Variants in ABCC9 observed in about 807,000 individuals in gnomAD.
The protein encoded by ABCC9 is ATP-binding cassette sub-family C member 9.
Under a neutral mutation model 188.3 loss-of-function variants are expected in ABCC9, and 95 were observed. The observed-to-expected ratio is 0.50, with a 90% CI of 0.43 to 0.60. The LOEUF is 0.60. Ranked by LOEUF, ABCC9 falls within the 20% of genes least tolerant of loss-of-function variation. The pLI, the probability that ABCC9 is intolerant of heterozygous loss-of-function variation, is 0.00. For synonymous variants in ABCC9, 659 were observed against 652.7 expected, an observed-to-expected ratio of 1.01 and a Z score of -0.15; for missense variants, 1,102 against 1,876.3, an observed-to-expected ratio of 0.59 and a Z score of 7.62.
chr12:21,936,948 C>T (rs866882181), intron 2 of ABCC9, among the ~76,000 whole-genome samples: 1 of 152,198 alleles, frequency 6.6e-6, no homozygotes, highest in Middle Eastern at 3.4e-3. Context: ...TAATTAATAT[C>T]TACCTATAGT....
At chr12:21,864,785 G>T (rs746847939) in intron 18 of ABCC9, among the ~76,000 whole-genome samples, 1 of 152,034 alleles carries the variant, frequency 6.6e-6, no homozygotes, top group Non-Finnish European at 1.5e-5. Context: ...TGTAAACTTG[G>T]GGAATCCCTC....
At chr12:21,855,305 T>C (rs1044934610) in intron 22 of ABCC9, among the ~76,000 whole-genome samples, 4 of 152,158 alleles carry the variant, frequency 2.6e-5, no homozygotes, top group Non-Finnish European at 5.9e-5. Context: ...CTGCAACCTC[T>C]GCCTCCTGGG....
At chr12:21,911,727 A>G (rs773257957) in intron 8 of ABCC9, among the ~76,000 whole-genome samples, 1 of 151,904 alleles carries the variant, frequency 6.6e-6, no homozygotes, top group Non-Finnish European at 1.5e-5. Flanking sequence ...TTTTTGTGGG[A>G]ATATATACAA....
intron 8 of ABCC9, among the ~76,000 whole-genome samples, 184 bp downstream of exon 8, chr12:21,912,688 A>G (rs1363892743): frequency 6.6e-6 from 1 of 152,152 alleles, no homozygotes; most frequent in Non-Finnish European, 1.5e-5. Context: ...CATTCAATGA[A>G]TAAATACATA....
chr12:21,854,805 A>C (rs979582718), intron 22 of ABCC9, among the ~76,000 whole-genome samples: 2 of 152,226 alleles, frequency 1.3e-5, no homozygotes, highest in Non-Finnish European at 2.9e-5. Context: ...TTCTTTTAAC[A>C]TAGAAGTTAT....
intron 18 of ABCC9, chr12:21,869,519 C>T (rs1031053779): frequency 6.6e-6 from 1 of 152,122 alleles, no homozygotes; most frequent in African/African-American, 2.4e-5. Context: ...AATATTTTCC[C>T]ACTGAACTTA....
chr12:21,864,415 C>T (rs1945681622), intron 19 of ABCC9, 24 bp downstream of exon 19: 1 of 1,534,108 alleles, frequency 6.5e-7, no homozygotes, highest in African/African-American at 1.4e-5. Context: ...TCTTATTAAA[C>T]TCAGGTTAAA....
At chr12:21,890,375 C>T (rs993640637) in intron 14 of ABCC9, among the ~76,000 whole-genome samples, 5 of 152,168 alleles carry the variant, frequency 3.3e-5, no homozygotes, top group African/African-American at 1.2e-4. Context: ...CAGAACCCTT[C>T]CTCCAATGAC....
chr12:21,889,110 A>C (rs1205038992), intron 14 of ABCC9, among the ~76,000 whole-genome samples: 1 of 152,220 alleles, frequency 6.6e-6, no homozygotes, highest in Non-Finnish European at 1.5e-5. Flanking sequence ...GGTAAATTTA[A>C]TTTAGTCTGT....
rs779791867 is a variant in ABCC9 at position 21,844,567 on chromosome 12, G to C, written c.3246-15C>G. 5 of 1,611,370 alleles carry C rather than the reference G, an allele frequency of 3.1e-6. No homozygotes were observed. The highest frequency in any genetic ancestry group is 4.2e-6 in the Non-Finnish European group (5 of 1,177,728). On this transcript the variant is annotated splice_polypyrimidine_tract_variant and intron_variant, in intron 27 of 39. Coordinates refer to ENST00000261200, the MANE Select transcript of ABCC9 (RefSeq NM_020297.4). Reference sequence around the variant, plus strand: ...TATCAAAAAACCTAGGCAATAAACAGATGGAAGTATATGATAATACTAAAC... The same window carrying C: ...TATCAAAAAACCTAGGCAATAAACACATGGAAGTATATGATAATACTAAAC...
intron 39 of ABCC9, among the ~76,000 whole-genome samples, chr12:21,802,593 TAC>T (rs1205305029): frequency 6.6e-6 from 1 of 152,236 alleles, no homozygotes; most frequent in Non-Finnish European, 1.5e-5. Context: ...GTACAGATTT[TAC>T]ACTTATGGCA....
intron 7 of ABCC9, among the ~76,000 whole-genome samples, chr12:21,915,332 TATATAG>T (rs1271198041): frequency 1.5e-5 from 2 of 135,808 alleles, no homozygotes; most frequent in African/African-American, 5.4e-5. Context: ...TATGTGTGTA[TATATAG>T]ACATGTGTAT....
chr12:21,832,141 C>T (rs150526444), intron 30 of ABCC9, among the ~76,000 whole-genome samples: 49 of 152,258 alleles, frequency 3.2e-4, no homozygotes, highest in African/African-American at 1.2e-3. Flanking sequence ...AGCTCATCTT[C>T]TGAACATTCT....
chr12:21,856,358 T>C (rs1176938744), intron 22 of ABCC9, among the ~76,000 whole-genome samples: 1 of 152,116 alleles, frequency 6.6e-6, no homozygotes, highest in Non-Finnish European at 1.5e-5. Flanking sequence ...TTTATTCTAA[T>C]ATATATATGT....
chr12:21,938,504 A>T (rs923055027), intron 2 of ABCC9, among the ~76,000 whole-genome samples: 1 of 152,182 alleles, frequency 6.6e-6, no homozygotes, highest in African/African-American at 2.4e-5. Flanking sequence ...AAACAAAACT[A>T]AAAACTAATA....
At chr12:21,856,159 A>AT (rs752325045) in intron 22 of ABCC9, among the ~76,000 whole-genome samples, 7 of 152,062 alleles carry the variant, frequency 4.6e-5, no homozygotes, top group East Asian at 3.9e-4. Flanking sequence ...GGGATTTGTG[A>AT]TTTTTTTTGT....
rs78800617 is a variant in ABCC9, at chr12:21,817,557, A to G, written c.3772-250T>C. Among the ~76,000 whole-genome samples, 1,382 of 152,248 alleles carry G rather than the reference A, an allele frequency of 9.1e-3. 21 individuals carry two copies. Among genetic ancestry groups the G allele is most frequent in the African/African-American group, 0.032 (1,331 of 41,554 alleles). On this transcript the variant is annotated intron_variant, in intron 32 of 39. Coordinates refer to ENST00000261200, the MANE Select transcript of ABCC9 (RefSeq NM_020297.4). ...CTGTCCTGATTTCCCTGCATGATGG[A>G]TAGTGGTATACTCTTCTGTTTGCAC...
intron 31 of ABCC9, 106 bp from the exon 32 acceptor site, chr12:21,818,357 T>G (rs1296684690): frequency 2.3e-5 from 20 of 857,110 alleles, no homozygotes; most frequent in Non-Finnish European, 3.8e-5. Flanking sequence ...TCATTCCATG[T>G]GTGTCCTGTT....
chr12:21,858,813 A>G (rs1310992379), intron 22 of ABCC9, among the ~76,000 whole-genome samples: 1 of 152,278 alleles, frequency 6.6e-6, no homozygotes, highest in East Asian at 1.9e-4. Context: ...TGAAGACTCT[A>G]AAAATGTTCT....
Sources: allele counts gnomAD v4.1 joint callset (sites outside exome capture counted in the v4.1 genomes callset), GRCh38; gene constraint gnomAD v4.1.1; transcripts MANE v1.5; gene names NCBI Gene and HGNC (gene_info 2026-07-23, HGNC 2026-07-21).